Variants in EPB41L4B observed in about 807,000 individuals in gnomAD.
EPB41L4B encodes band 4.1-like protein 4B.
A neutral mutation model predicts 112.5 loss-of-function variants in EPB41L4B; 30 were observed. The ratio of observed to expected loss-of-function variants is 0.27; its 90% CI spans 0.20 to 0.36. EPB41L4B has a LOEUF of 0.36. Ranked by LOEUF, EPB41L4B falls within the 10% of genes least tolerant of loss-of-function variation. The pLI is 1.00. For synonymous variants in EPB41L4B, 408 were observed against 439.7 expected, an observed-to-expected ratio of 0.93 and a Z score of 0.90; for missense variants, 1,024 against 1,133.3, an observed-to-expected ratio of 0.90 and a Z score of 1.38.
chr9:109,189,131 C>T (rs1282032332), intron 22 of EPB41L4B, among the ~76,000 whole-genome samples: 2 of 152,186 alleles, frequency 1.3e-5, no homozygotes, highest in African/African-American at 2.4e-5. Flanking sequence ...TGCCTCCTTC[C>T]CTTCTCACCC....
chr9:109,179,178 A>G (rs929058855), intron 24 of EPB41L4B, among the ~76,000 whole-genome samples: 1 of 152,218 alleles, frequency 6.6e-6, no homozygotes, highest in Middle Eastern at 3.2e-3. Context: ...GTATGAGCAG[A>G]GACCCAGTTA....
rs568718432 is a variant in EPB41L4B at position 109,265,890 on chromosome 9, G to A, written c.534-866C>T. Among the ~76,000 whole-genome samples, 3 of 152,304 alleles carry A rather than the reference G, an allele frequency of 2.0e-5. No homozygotes were observed. The South Asian group carries it at 6.2e-4, about 32-fold the overall frequency. On this transcript the variant is annotated intron_variant, in intron 4 of 25. Coordinates refer to ENST00000374566, the MANE Select transcript of EPB41L4B (RefSeq NM_019114.5). The stretch of plus-strand genomic sequence containing the variant: ...GGTGTTTCTGATTCACACAACCTGG[G>A]TTAAAAACCAATCGCTTTGATGACA...
At chr9:109,237,065 G>C (rs567764101) in intron 15 of EPB41L4B, among the ~76,000 whole-genome samples, 13 of 152,314 alleles carry the variant, frequency 8.5e-5, no homozygotes, top group African/African-American at 3.1e-4. Flanking sequence ...AAAGTCAAGG[G>C]CAACAAAAAG....
At chr9:109,279,727 G>T in intron 2 of EPB41L4B, 90 bp downstream of exon 2, 1 of 1,137,384 alleles carries the variant, frequency 8.8e-7, no homozygotes, top group Non-Finnish European at 1.3e-6. Context: ...TTTTAGTCTT[G>T]TTTTTCTCTA....
Position 109,288,537 on chromosome 9 carries a change from G to A in EPB41L4B, c.307-8616C>T, listed in dbSNP as rs560698835. ...AGATCAAGACCATCCTGGCTAACAC[G>A]GTGAAACCCTGTTTCTACTAAACAA... On this transcript the variant is annotated intron_variant, in intron 1 of 25. Coordinates refer to ENST00000374566, the MANE Select transcript of EPB41L4B (RefSeq NM_019114.5). Among the ~76,000 whole-genome samples the A allele has an allele frequency of 6.6e-5, 10 of 151,840 alleles. No individual in the cohort carries two copies. In the South Asian group the frequency reaches 1.5e-3, roughly 22 times the overall value.
intron 14 of EPB41L4B, among the ~76,000 whole-genome samples, chr9:109,246,486 A>T (rs531349716): frequency 6.6e-6 from 1 of 152,300 alleles, no homozygotes; most frequent in South Asian, 2.1e-4. Flanking sequence ...GAGATACTTT[A>T]ATATACTGAT....
chr9:109,229,097 C>G (rs1833872950), intron 15 of EPB41L4B, among the ~76,000 whole-genome samples: 1 of 152,068 alleles, frequency 6.6e-6, no homozygotes, highest in Non-Finnish European at 1.5e-5. Context: ...AGAATATCAA[C>G]AAGAAGAAGA....
intron 7 of EPB41L4B, among the ~76,000 whole-genome samples, chr9:109,257,777 T>G (rs764900201): frequency 6.6e-6 from 1 of 152,178 alleles, no homozygotes; most frequent in Non-Finnish European, 1.5e-5. Flanking sequence ...GGACAATCAC[T>G]TGAGCTCAGG....
At chr9:109,199,700 T>A (rs1241410720) in intron 20 of EPB41L4B, among the ~76,000 whole-genome samples, 1 of 152,156 alleles carries the variant, frequency 6.6e-6, no homozygotes, top group African/African-American at 2.4e-5. Context: ...GTCAGTTCTG[T>A]GCGTAGGTTA....
intron 1 of EPB41L4B, among the ~76,000 whole-genome samples, chr9:109,281,714 A>AATT (rs1564317164): frequency 5.6e-5 from 7 of 124,854 alleles, no homozygotes; most frequent in African/African-American, 2.5e-4. Flanking sequence ...ATAAATAAAT[A>AATT]AATAAATAAA....
chr9:109,293,472 T>C (rs1836611754), intron 1 of EPB41L4B, among the ~76,000 whole-genome samples: 1 of 151,858 alleles, frequency 6.6e-6, no homozygotes, highest in Admixed American at 6.6e-5. Context: ...AACCTCTGCC[T>C]TCTGGGTTCA....
chr9:109,299,671 C>G (rs990460228), intron 1 of EPB41L4B, among the ~76,000 whole-genome samples: 1 of 152,128 alleles, frequency 6.6e-6, no homozygotes, highest in Non-Finnish European at 1.5e-5. Flanking sequence ...AAAGAATTAC[C>G]ACAAGTGAAT....
intron 17 of EPB41L4B, among the ~76,000 whole-genome samples, chr9:109,210,672 A>G (rs1833134677): frequency 1.3e-5 from 2 of 152,214 alleles, no homozygotes; most frequent in Admixed American, 6.5e-5. Context: ...GTGAAGGCCA[A>G]TATACATTTT....
At chr9:109,230,761 G>C (rs148314969) in intron 15 of EPB41L4B, among the ~76,000 whole-genome samples, 97 of 152,242 alleles carry the variant, frequency 6.4e-4, no homozygotes, top group Middle Eastern at 3.4e-3. Flanking sequence ...TATGAATGTT[G>C]TATCTATTAA....
intron 15 of EPB41L4B, among the ~76,000 whole-genome samples, chr9:109,229,036 C>A (rs1833870406): frequency 6.6e-6 from 1 of 152,066 alleles, no homozygotes; most frequent in South Asian, 2.1e-4. Flanking sequence ...ATCTCATATA[C>A]CCTATAAATA....
rs1292251438 is a variant in EPB41L4B, at chr9:109,176,586, A to G, written c.2598T>C (p.Ile866=). 6.2e-7 allele frequency: 1 copy of G among 1,611,934 alleles called. No individual in the cohort carries two copies. The highest frequency in any genetic ancestry group is 1.1e-5 in the South Asian group (1 of 90,646). The change falls in exon 25 of 26, where the codon ATT becomes ATC. Residue 866 remains isoleucine (I), a synonymous_variant. Coordinates refer to ENST00000374566, the MANE Select transcript of EPB41L4B (RefSeq NM_019114.5). The part of the protein sequence containing the change: ...LTETVSTVQT[I]YTTRKPVSLA... ...GAGAAACAGGTTTCCGGGTGGTGTA[A>G]ATGGTCTGCACTGTGGAGACGGTCT...
intron 5 of EPB41L4B, 139 bp downstream of exon 5, chr9:109,264,841 T>C: frequency 1.6e-6 from 1 of 616,066 alleles, no homozygotes; most frequent in South Asian, 2.4e-5. Flanking sequence ...ATACAAGTAT[T>C]AGACTCACTT....
chr9:109,230,437 A>G (rs766799315), intron 15 of EPB41L4B, among the ~76,000 whole-genome samples: 30 of 152,192 alleles, frequency 2.0e-4, no homozygotes, highest in Non-Finnish European at 5.9e-5. Flanking sequence ...TGGGTGGCAG[A>G]CATTGCATTT....
chr9:109,248,283 A>G (rs1588169541), intron 13 of EPB41L4B, among the ~76,000 whole-genome samples: 1 of 151,974 alleles, frequency 6.6e-6, no homozygotes. Flanking sequence ...TGCTATTAAA[A>G]CCACTGTCAA....
Sources: allele counts gnomAD v4.1 joint callset (sites outside exome capture counted in the v4.1 genomes callset), GRCh38; gene constraint gnomAD v4.1.1; transcripts MANE v1.5; gene names NCBI Gene and HGNC (gene_info 2026-07-23, HGNC 2026-07-21).